The following EPB41 variants were observed in gnomAD, a reference collection of about 807,000 sequenced individuals.
EPB41 encodes the protein erythrocyte membrane protein band 4.1, also known as protein 4.1.
A neutral mutation model predicts 108.0 loss-of-function variants in EPB41; 65 were observed. That is an observed-to-expected ratio of 0.60 (90% CI 0.49 to 0.74). The LOEUF (loss-of-function observed/expected upper bound fraction) is 0.74. EPB41 is among the 30% of genes least tolerant of loss of function. The probability of loss-of-function intolerance (pLI) is 0.00; values close to 1 mark genes in which losing one functional copy is unlikely to be tolerated. For missense variants in EPB41, 875 were observed against 1,037.0 expected (o/e 0.84, Z 2.15); for synonymous variants, 336 against 358.9 (o/e 0.94, Z 0.72).
intron 11 of EPB41, among the ~76,000 whole-genome samples, chr1:29,045,807 T>TGAAA (rs1231556827): frequency 5.8e-5 from 6 of 103,774 alleles, no homozygotes; most frequent in African/African-American, 2.1e-4. Flanking sequence ...ACCCTGTCTC[T>TGAAA]AAAAAAAAAA....
intron 1 of EPB41, among the ~76,000 whole-genome samples, chr1:28,922,319 G>T (rs2093154492): frequency 6.6e-6 from 1 of 151,896 alleles, no homozygotes; most frequent in South Asian, 2.1e-4. Flanking sequence ...GTGTTAGGTT[G>T]GAAATAGTTG....
At chr1:28,905,225 A>G (rs537543308) in intron 1 of EPB41, among the ~76,000 whole-genome samples, 2 of 151,146 alleles carry the variant, frequency 1.3e-5, no homozygotes, top group Admixed American at 6.6e-5. Context: ...AGCTGGGTGC[A>G]GTGGCTCATG....
At chr1:29,052,670 A>G (rs1644723091) in intron 11 of EPB41, among the ~76,000 whole-genome samples, 1 of 152,196 alleles carries the variant, frequency 6.6e-6, no homozygotes, top group South Asian at 2.1e-4. Context: ...TTCTTACAAT[A>G]TATTTTTAGG....
intron 1 of EPB41, among the ~76,000 whole-genome samples, chr1:28,925,080 C>G (rs755275489): frequency 6.6e-5 from 10 of 152,192 alleles, no homozygotes; most frequent in Admixed American, 2.0e-4. Context: ...TTTCCCCCGC[C>G]TCAGCCTCCT....
intron 6 of EPB41, among the ~76,000 whole-genome samples, chr1:29,017,495 G>A (rs890670801): frequency 6.6e-6 from 1 of 152,158 alleles, no homozygotes; most frequent in Non-Finnish European, 1.5e-5. Flanking sequence ...TGGTTTGTTG[G>A]ACTGAACTGT....
chr1:29,056,754 G>C (rs925700899), intron 12 of EPB41, among the ~76,000 whole-genome samples: 1 of 152,070 alleles, frequency 6.6e-6, no homozygotes, highest in Non-Finnish European at 1.5e-5. Flanking sequence ...TCGAACTCCT[G>C]ATCTCAGGTG....
chr1:29,106,934 A>C (rs932275004), intron 17 of EPB41, among the ~76,000 whole-genome samples: 1 of 151,630 alleles, frequency 6.6e-6, no homozygotes, highest in Middle Eastern at 3.4e-3. Flanking sequence ...CTGTAATCCC[A>C]GCACTTTGGG....
At position 28,987,561 on chromosome 1, in the gene EPB41, G is replaced by T; in HGVS notation, c.124G>T (p.Ala42Ser). 2 of 1,614,174 alleles carry T rather than the reference G, an allele frequency of 1.2e-6. No individual in the cohort carries two copies. The highest frequency in any genetic ancestry group is 2.7e-5 in the African/African-American group (2 of 75,038). ...TCAGCAGGAGGAATCTTGTCAAACA[G>T]CAGCTGAAGGAGATAATTGGTGTGA... ...EPQQEESCQT[A>S]AEGDNWCEQK... Residue 42 changes from alanine to serine, a missense_variant, in exon 2 of 21, where the codon GCA becomes TCA. This residue lies in a region of EPB41 where 353 missense variants were observed against 393.2 expected (regional missense o/e 0.90). Transcript: ENST00000343067.
intron 16 of EPB41, chr1:29,096,603 A>G: frequency 1.0e-6 from 1 of 985,302 alleles, no homozygotes; most frequent in Non-Finnish European, 1.2e-6. Flanking sequence ...CGAAGTTTCC[A>G]GGTAGTAATT....
At chr1:28,916,364 G>A (rs1038181669) in intron 1 of EPB41, among the ~76,000 whole-genome samples, 1 of 152,202 alleles carries the variant, frequency 6.6e-6, no homozygotes, top group African/African-American at 2.4e-5. Flanking sequence ...TGTCGGGCAC[G>A]GTGGCTCACG....
intron 1 of EPB41, among the ~76,000 whole-genome samples, chr1:28,924,541 A>G (rs75426101): frequency 1.5e-3 from 220 of 151,478 alleles, no homozygotes; most frequent in Middle Eastern, 0.014. Context: ...AAAAAAAAAT[A>G]AAAAAGACCC....
At chr1:28,970,611 A>G (rs1394787732) in intron 1 of EPB41, among the ~76,000 whole-genome samples, 2 of 152,206 alleles carry the variant, frequency 1.3e-5, no homozygotes, top group Non-Finnish European at 2.9e-5. Context: ...GAGAGTTTAT[A>G]TGGATACAAC....
At chr1:28,971,963 A>G in intron 1 of EPB41, among the ~76,000 whole-genome samples, 1 of 151,900 alleles carries the variant, frequency 6.6e-6, no homozygotes. Flanking sequence ...TGCAGCGATC[A>G]CAGCTCACTA....
At chr1:29,049,119 G>A (rs1644046663) in intron 11 of EPB41, among the ~76,000 whole-genome samples, 2 of 152,196 alleles carry the variant, frequency 1.3e-5, no homozygotes, top group Admixed American at 6.5e-5. Context: ...GTTATGTGTG[G>A]TGCTTAGAGC....
chr1:29,037,257 T>C (rs1019718577), intron 10 of EPB41, among the ~76,000 whole-genome samples: 1 of 151,960 alleles, frequency 6.6e-6, no homozygotes, highest in Non-Finnish European at 1.5e-5. Flanking sequence ...ATTTTTTGTA[T>C]TTTTAGTAGA....
At chr1:29,098,422 G>A (rs895570646) in intron 17 of EPB41, among the ~76,000 whole-genome samples, 4 of 152,114 alleles carry the variant, frequency 2.6e-5, no homozygotes, top group East Asian at 1.9e-4. Flanking sequence ...GTCTTGATCC[G>A]CTGACCTCGT....
chr1:28,915,731 C>CTTTT (rs11321625), intron 1 of EPB41, among the ~76,000 whole-genome samples: 150 of 56,084 alleles, frequency 2.7e-3, no homozygotes, highest in Non-Finnish European at 3.6e-3. Flanking sequence ...TTTTCAGATG[C>CTTTT]TTTTTTTTTT....
At chr1:28,950,060 TA>T (rs1205521114) in intron 1 of EPB41, among the ~76,000 whole-genome samples, 6 of 152,352 alleles carry the variant, frequency 3.9e-5, no homozygotes, top group African/African-American at 1.4e-4. Context: ...AACATTCATG[TA>T]CCTGTCTTCT....
intron 17 of EPB41, among the ~76,000 whole-genome samples, chr1:29,098,774 C>T (rs1385679299): frequency 1.3e-5 from 2 of 151,884 alleles, no homozygotes; most frequent in South Asian, 2.1e-4. Flanking sequence ...GAGTCTCAGT[C>T]ACTCTGTCGC....
Sources: allele counts gnomAD v4.1 joint callset (sites outside exome capture counted in the v4.1 genomes callset), GRCh38; gene constraint gnomAD v4.1.1; regional missense constraint gnomAD v4.1.1; transcripts MANE v1.5; gene names NCBI Gene and HGNC (gene_info 2026-07-23, HGNC 2026-07-21).